Variants in ITGA1 observed in about 807,000 individuals in gnomAD.
ITGA1 encodes the protein integrin subunit alpha 1.
A neutral mutation model predicts 145.9 loss-of-function variants in ITGA1; 85 were observed. The observed-to-expected ratio is 0.58, with a 90% confidence interval of 0.49 to 0.70. The LOEUF (loss-of-function observed/expected upper bound fraction) is 0.70. ITGA1 is among the 30% of genes least tolerant of loss of function. ITGA1 has a pLI of 0.00. For synonymous variants in ITGA1, 520 were observed against 495.3 expected, an observed-to-expected ratio of 1.05 and a Z score of -0.66; for missense variants, 1,351 against 1,418.7, an observed-to-expected ratio of 0.95 and a Z score of 0.77.
In ITGA1 at chr5:52,937,515, G is replaced by GT; in HGVS notation, c.3078+2dup. The stretch of plus-strand genomic sequence containing the variant: ...CCCAACTGGATTGTCATCTTCTGAG[G>GT]TAAGTCATGTGTGCCTTGGAATTAT... On this transcript the variant is annotated splice_donor_variant, in intron 24 of 28. Coordinates refer to ENST00000282588, the MANE Select transcript of ITGA1 (RefSeq NM_181501.2). LOFTEE classifies it high-confidence loss of function. The GT allele has an allele frequency of 6.4e-7, 1 of 1,555,866 alleles. No individual in the cohort carries two copies. The highest frequency in any genetic ancestry group is 8.9e-7 in the Non-Finnish European group (1 of 1,127,414).
chr5:52,918,641 C>A (rs545611302), intron 15 of ITGA1, 91 bp from the exon 16 acceptor site: 12 of 1,254,292 alleles, frequency 9.6e-6, no homozygotes, highest in South Asian at 4.6e-5. Context: ...TGAAGCAGAA[C>A]CCTCTTCCAT....
chr5:52,861,580 C>A, intron 3 of ITGA1, 21 bp downstream of exon 3: 4 of 1,521,644 alleles, frequency 2.6e-6, no homozygotes, highest in Non-Finnish European at 3.6e-6. Flanking sequence ...TTAAAAAAAT[C>A]TGGTTTTAGG....
intron 3 of ITGA1, among the ~76,000 whole-genome samples, chr5:52,861,968 A>C (rs1749612827): frequency 6.6e-6 from 1 of 151,992 alleles, no homozygotes; most frequent in South Asian, 2.1e-4. Flanking sequence ...CTGTAATCCC[A>C]GCACTTTGGG....
chr5:52,955,339 CGATA>C lies in ITGA1; in HGVS notation c.*2891_*2894del, dbSNP rs1021924309. On this transcript the variant is annotated 3_prime_UTR_variant, in exon 29 of 29. Coordinates refer to ENST00000282588, the MANE Select transcript of ITGA1 (RefSeq NM_181501.2). The stretch of plus-strand genomic sequence containing the variant: ...CAGCACACCACTGAGACAGATTACA[CGATA>C]GACAGATAGATAGATAGATAGATAG... 2.3e-5 allele frequency: 3 copies of C among 133,176 alleles called. No individual in the cohort carries two copies. Among genetic ancestry groups the C allele is most frequent in the African/African-American group, 8.3e-5 (3 of 36,116 alleles). 8.2% of individuals were successfully genotyped at this position (133,176 alleles called of 1,614,324 possible).
chr5:52,801,865 A>G (rs1428852183), intron 1 of ITGA1: 1 of 1,511,662 alleles, frequency 6.6e-7, no homozygotes, highest in Non-Finnish European at 9.0e-7. Flanking sequence ...AATTGAGACA[A>G]TCTTGTGTTT....
chr5:52,947,844 T>G (rs955263986), intron 28 of ITGA1, among the ~76,000 whole-genome samples: 2 of 152,152 alleles, frequency 1.3e-5, no homozygotes, highest in Non-Finnish European at 1.5e-5. Flanking sequence ...AATTCCTATG[T>G]CAATTTAAGG....
intron 11 of ITGA1, among the ~76,000 whole-genome samples, chr5:52,900,178 T>A: frequency 6.6e-6 from 1 of 152,182 alleles, no homozygotes; most frequent in East Asian, 1.9e-4. Context: ...AGATTAGATA[T>A]CTTCTAAAAG....
rs780856119 is a variant in ITGA1, at chr5:52,849,382, G to A, written c.79G>A (p.Val27Ile). Reference protein sequence around the residue: ...WLLTVVLRCCVSFNVDVKNSM... With the variant: ...WLLTVVLRCCISFNVDVKNSM... ...TCCTAAAGTTGTTCTACGCTGCTGC[G>A]TATCATTCAATGTTGATGTGAAAAA... Residue 27 changes from valine to isoleucine, a missense_variant, in exon 2 of 29, where the codon GTA becomes ATA. Coordinates refer to ENST00000282588, the MANE Select transcript of ITGA1 (RefSeq NM_181501.2). 22 of 1,610,210 alleles carry A rather than the reference G, an allele frequency of 1.4e-5. 1 individual carries two copies. The highest frequency in any genetic ancestry group is 5.5e-5 in the South Asian group (5 of 90,682).
chr5:52,868,650 G>C (rs1749727559), intron 6 of ITGA1, among the ~76,000 whole-genome samples: 1 of 152,136 alleles, frequency 6.6e-6, no homozygotes, highest in Non-Finnish European at 1.5e-5. Context: ...TGCTACCAGT[G>C]AATGGGAGGA....
intron 6 of ITGA1, among the ~76,000 whole-genome samples, chr5:52,871,703 C>T (rs1749779048): frequency 6.7e-6 from 1 of 149,082 alleles, no homozygotes; most frequent in East Asian, 1.9e-4. Context: ...TAGGGAAATA[C>T]AACACAACGA....
intron 1 of ITGA1, among the ~76,000 whole-genome samples, chr5:52,808,039 A>T (rs1286091221): frequency 6.6e-6 from 1 of 152,176 alleles, no homozygotes; most frequent in Non-Finnish European, 1.5e-5. Flanking sequence ...GTTAAAAGTG[A>T]CAGCTGATAG....
chr5:52,957,662 G>C lies in ITGA1; in HGVS notation c.*5211G>C, dbSNP rs1353818819. 1 of 152,182 alleles carries C rather than the reference G, an allele frequency of 6.6e-6. No homozygotes were observed. The highest frequency in any genetic ancestry group is 1.5e-5 in the Non-Finnish European group (1 of 68,070). 9.4% of individuals were successfully genotyped at this position (152,182 alleles called of 1,614,324 possible). ...TCAGCTGCGTGGTGGGGATGATTTG[G>C]GGTTTCCTCAGCAAGGCCATTCTCT... On this transcript the variant is annotated 3_prime_UTR_variant, in exon 29 of 29. Coordinates refer to ENST00000282588, the MANE Select transcript of ITGA1 (RefSeq NM_181501.2).
At chr5:52,792,396 G>A (rs1038717597) in intron 1 of ITGA1, among the ~76,000 whole-genome samples, 1 of 152,148 alleles carries the variant, frequency 6.6e-6, no homozygotes, top group Non-Finnish European at 1.5e-5. Context: ...GTTTGTAAAG[G>A]CAGCAATGAA....
intron 1 of ITGA1, among the ~76,000 whole-genome samples, chr5:52,842,042 T>C (rs73102256): frequency 0.013 from 1,940 of 152,270 alleles, 42 homozygotes; most frequent in African/African-American, 0.044. Context: ...CTTAGTAGAA[T>C]ATTAATATAC....
chr5:52,850,071 C>T (rs112914393), intron 2 of ITGA1, among the ~76,000 whole-genome samples: 1 of 150,252 alleles, frequency 6.7e-6, no homozygotes, highest in East Asian at 2.0e-4. Context: ...GGAGCGATCT[C>T]AGCTCACTGC....
chr5:52,815,449 C>G (rs982867527), intron 1 of ITGA1, among the ~76,000 whole-genome samples: 1 of 152,266 alleles, frequency 6.6e-6, no homozygotes, highest in South Asian at 2.1e-4. Flanking sequence ...ATCTAGCAAC[C>G]CTACATCCTG....
At chr5:52,924,432 A>T (rs1015746072) in intron 18 of ITGA1, among the ~76,000 whole-genome samples, 1 of 152,190 alleles carries the variant, frequency 6.6e-6, no homozygotes, top group Non-Finnish European at 1.5e-5. Flanking sequence ...AGCATGAAGG[A>T]AACAACGACA....
rs1281250803 is a variant in ITGA1 at position 52,943,943 on chromosome 5, C to CAG, written c.3286-999_3286-998dup. On this transcript the variant is annotated intron_variant, in intron 26 of 28. Coordinates refer to ENST00000282588, the MANE Select transcript of ITGA1 (RefSeq NM_181501.2). ...ACAGGGAAAGTACTCAGGTGGGGCG[C>CAG]AGCACCCAGGCTGGGCGGCAGAGAC... is the stretch of plus-strand genomic sequence containing the variant. Among the ~76,000 whole-genome samples the CAG allele has an allele frequency of 5.9e-5, 9 of 152,322 alleles. 1 individual carries two copies. In the South Asian group the frequency reaches 1.9e-3, roughly 32 times the overall value.
intron 8 of ITGA1, among the ~76,000 whole-genome samples, chr5:52,890,459 AGT>A: frequency 6.6e-6 from 1 of 152,348 alleles, no homozygotes; most frequent in East Asian, 1.9e-4. Flanking sequence ...CAGTGTGAAA[AGT>A]GTGCACGAAG....
Sources: gnomAD v4.1 joint callset for allele counts (sites outside exome capture counted in the v4.1 genomes callset) on GRCh38, gnomAD v4.1.1 for gene constraint, MANE v1.5 for transcripts, NCBI Gene and HGNC (gene_info 2026-07-23, HGNC 2026-07-21) for gene names.